The following COQ8A variants were observed in gnomAD, a reference collection of about 807,000 sequenced individuals.
The protein encoded by COQ8A is coenzyme Q8A, also known as atypical kinase COQ8A, mitochondrial.
A neutral mutation model predicts 65.0 loss-of-function variants in COQ8A; 51 were observed. The ratio of observed to expected loss-of-function variants is 0.78; its 90% CI spans 0.63 to 0.99. The LOEUF (loss-of-function observed/expected upper bound fraction) is 0.99. Ranked by LOEUF, COQ8A falls within the 50% of genes least tolerant of loss-of-function variation. The probability of loss-of-function intolerance (pLI) is 0.00; values close to 1 mark genes in which losing one functional copy is unlikely to be tolerated. For missense variants in COQ8A, 940 were observed against 875.0 expected (o/e 1.07, Z -0.94); for synonymous variants, 371 against 353.2 (o/e 1.05, Z -0.57).
chr1:226,948,373 T>C (rs749136248), intron 1 of COQ8A, among the ~76,000 whole-genome samples: 1 of 152,178 alleles, frequency 6.6e-6, no homozygotes, highest in African/African-American at 2.4e-5. Flanking sequence ...TGTGATTACA[T>C]TGGGCCCACC....
chr1:226,962,503 T>A (rs1332739540), intron 2 of COQ8A, among the ~76,000 whole-genome samples: 1 of 152,214 alleles, frequency 6.6e-6, no homozygotes, highest in Non-Finnish European at 1.5e-5. Context: ...GGGGTGTTTG[T>A]GTGCCTGTTG....
intron 8 of COQ8A, 197 bp from the exon 9 acceptor site, chr1:226,983,355 G>A (rs1659834948): frequency 4.4e-6 from 3 of 679,976 alleles, no homozygotes; most frequent in East Asian, 5.4e-5. Context: ...GGTGAGGTGA[G>A]GCAGGAGTAG....
chr1:226,983,331 G>A, intron 8 of COQ8A: 1 of 664,444 alleles, frequency 1.5e-6, no homozygotes, highest in South Asian at 1.8e-5. Flanking sequence ...GGGTGGCCGT[G>A]AGCTGTTCCC....
intron 8 of COQ8A, 162 bp downstream of exon 8, chr1:226,983,196 G>A (rs1659826297): frequency 1.8e-6 from 2 of 1,120,150 alleles, no homozygotes; most frequent in African/African-American, 1.6e-5. Flanking sequence ...GACGGCACCA[G>A]AAGCTTGGGA....
rs1338062181 is a variant in COQ8A, at chr1:226,972,572, A to T, written c.656-4877A>T. On this transcript the variant is annotated intron_variant, in intron 4 of 14. Transcript: ENST00000366777. This position sits in a 1 kb window ranked among gnomAD's most constrained non-coding sequence, Gnocchi z 4.3. ...AGGTAAGGTAACTCTCTTATGTTAG[A>T]AAACAGGCATTGCTTAGGCTGTTGG... is the stretch of plus-strand genomic sequence containing the variant. Among the ~76,000 whole-genome samples, 3 of 152,184 alleles carry T rather than the reference A, an allele frequency of 2.0e-5. No individual in the cohort carries two copies. The highest frequency in any genetic ancestry group is 4.4e-5 in the Non-Finnish European group (3 of 68,028).
At chr1:226,956,881 C>T (rs1188142069) in intron 1 of COQ8A, among the ~76,000 whole-genome samples, 1 of 125,972 alleles carries the variant, frequency 7.9e-6, no homozygotes, top group African/African-American at 3.1e-5. Flanking sequence ...CTGGCTCCCA[C>T]TCTCCCTGGT....
chr1:226,986,666 G>T lies in COQ8A; in HGVS notation c.1873G>T (p.Ala625Ser). 6.2e-7 allele frequency: 1 copy of T among 1,614,062 alleles called. No homozygotes were observed. Among genetic ancestry groups the T allele is most frequent in the Non-Finnish European group, 8.5e-7 (1 of 1,180,022 alleles). The change falls in exon 15 of 15, where the codon GCC (alanine) becomes TCC (serine). Residue 625 changes from alanine to serine, a missense_variant. Transcript: ENST00000366777. Reference sequence around the variant, plus strand: ...CTTCCTCATCTGCTCCAAGCTGAAGGCCCGCTTCCCCTGCAAGGCCATGTT... The same window carrying T: ...CTTCCTCATCTGCTCCAAGCTGAAGTCCCGCTTCCCCTGCAAGGCCATGTT... ...GSFLICSKLK[A>S]RFPCKAMFEE...
chr1:226,980,168 T>C (rs1421675992), intron 5 of COQ8A, among the ~76,000 whole-genome samples: 1 of 152,220 alleles, frequency 6.6e-6, no homozygotes, highest in Non-Finnish European at 1.5e-5. Flanking sequence ...CCGGCCACCC[T>C]GGCTGAGCTC....
intron 4 of COQ8A, among the ~76,000 whole-genome samples, chr1:226,967,906 A>G (rs1658658636): frequency 6.6e-6 from 1 of 152,254 alleles, no homozygotes; most frequent in African/African-American, 2.4e-5. Flanking sequence ...GCAGGATGGG[A>G]GCAAAGAGAA....
At chr1:226,976,155 ACTGCGATGTTGCCTGG>A (rs1478999539) in intron 4 of COQ8A, among the ~76,000 whole-genome samples, 308 of 19,494 alleles carry the variant, frequency 0.016, 1 homozygote, top group Middle Eastern at 0.05. Context: ...GGGCTGTGGG[ACTGCGATGTTGCCTGG>A]CTGCGGGGCT....
chr1:226,956,059 CTCCCACTCTCCCTGGT>C (rs1657721961), intron 1 of COQ8A, among the ~76,000 whole-genome samples: 1 of 108,910 alleles, frequency 9.2e-6, no homozygotes, highest in Non-Finnish European at 1.8e-5. Flanking sequence ...CTCTCCCTGG[CTCCCACTCTCCCTGGT>C]TCCCACTCTC....
intron 1 of COQ8A, among the ~76,000 whole-genome samples, chr1:226,960,359 G>A (rs376808758): frequency 0.054 from 68 of 1,250 alleles, no homozygotes; most frequent in Middle Eastern, 0.5. Context: ...TGGTGGTGGT[G>A]CTTGGTGGTG....
chr1:226,957,505 C>T (rs1657877401), intron 1 of COQ8A, among the ~76,000 whole-genome samples: 1 of 152,040 alleles, frequency 6.6e-6, no homozygotes, highest in Non-Finnish European at 1.5e-5. Context: ...GGAGATTGAA[C>T]AGTGGCTTGG....
rs763311061 is a variant in COQ8A, at chr1:226,983,827, G to A, written c.1229G>A (p.Arg410Gln). The A allele has an allele frequency of 1.5e-5, 24 of 1,611,492 alleles. No homozygotes were observed. The highest frequency in any genetic ancestry group is 8.3e-5 in the Admixed American group (5 of 59,988). Residue 410 changes from arginine (R) to glutamine (Q), a missense_variant, in exon 10 of 15, where the codon CGA becomes CAA. Physicochemically the swap from Arg to Gln is conservative, Grantham distance 43 (BLOSUM62 1). Transcript: ENST00000366777. The part of the protein sequence containing the change: ...RELALECDYQ[R>Q]EAACARKFRD... ...CTGGCCCTGGAGTGTGACTACCAGC[G>A]AGAGGCCGCCTGTGCCCGCAAGTTC...
chr1:226,978,681 C>T (rs1467342130), intron 5 of COQ8A, among the ~76,000 whole-genome samples: 1 of 96,184 alleles, frequency 1.0e-5, no homozygotes, highest in Non-Finnish European at 2.9e-5. Flanking sequence ...TCCTTACACA[C>T]CCTCCACACA....
At chr1:226,985,394 CTGTG>C in intron 14 of COQ8A, 54 bp downstream of exon 14, 1 of 1,592,476 alleles carries the variant, frequency 6.3e-7, no homozygotes, top group South Asian at 1.1e-5. Context: ...GCCCGGCTCC[CTGTG>C]TAAGAATGGA....
In COQ8A at chr1:226,961,414, TG is replaced by T; in HGVS notation, c.31del (p.Val11TrpfsTer8). On this transcript the variant is annotated frameshift_variant, in exon 2 of 15. Transcript: ENST00000366777. LOFTEE classifies it high-confidence loss of function. ...GCTGCCATATTGGGAGACACCATCA[TG>T]GTGGCTAAAGGCCTTGTCAAGCTGA... MAAILGDTIMVAKGLVKLTQ... is the reference protein window; with the variant it reads MAAILGDTIXVAKGLVKLTQ... 1 of 1,613,810 alleles carries T rather than the reference TG, an allele frequency of 6.2e-7. No homozygotes were observed. The highest frequency in any genetic ancestry group is 8.5e-7 in the Non-Finnish European group (1 of 1,180,038).
chr1:226,949,248 G>A lies in COQ8A; in HGVS notation c.-10+8849G>A, dbSNP rs2802272. ...GATTTCGATGCCTGGGACTTCAGGC[G>A]CAGGAGTTTGGGTTTTATATATATG... On this transcript the variant is annotated intron_variant, in intron 1 of 14. Transcript: ENST00000366777. This position sits in a 1 kb window ranked among gnomAD's most constrained non-coding sequence, Gnocchi z 4.0. Among the ~76,000 whole-genome samples, 8,313 of 151,926 alleles carry A rather than the reference G, an allele frequency of 0.055. 453 individuals carry two copies. Among genetic ancestry groups the A allele is most frequent in the East Asian group, 0.25 (1,264 of 5,130 alleles).
In COQ8A at chr1:226,982,982, A is replaced by C; in HGVS notation, c.1028A>C (p.Gln343Pro). The C allele has an allele frequency of 6.2e-7, 1 of 1,602,590 alleles. No homozygotes were observed. Among genetic ancestry groups the C allele is most frequent in the Non-Finnish European group, 8.5e-7 (1 of 1,175,228 alleles). ...CCCTTCGCCGCCGCATCCATTGGGCAGGTGCACTTGGCCCGAATGAAGGGC... is the reference window on the plus strand; with the variant it reads ...CCCTTCGCCGCCGCATCCATTGGGCCGGTGCACTTGGCCCGAATGAAGGGC... ...ERPFAAASIG[Q>P]VHLARMKGGR... is the part of the protein sequence containing the mutation. Residue 343 changes from glutamine to proline, a missense_variant, in exon 8 of 15, where the codon CAG becomes CCG. Gln to Pro is a moderately conservative substitution (Grantham distance 76). Transcript: ENST00000366777.
Sources: gnomAD v4.1 joint callset for allele counts (sites outside exome capture counted in the v4.1 genomes callset) on GRCh38, gnomAD v4.1.1 for gene constraint, Gnocchi (gnomAD v3.1) non-coding constraint, MANE v1.5 for transcripts, NCBI Gene and HGNC (gene_info 2026-07-23, HGNC 2026-07-21) for gene names.